Variants in PRKACB observed in about 807,000 individuals in gnomAD.
PRKACB encodes the protein protein kinase cAMP-activated catalytic subunit beta.
A neutral mutation model predicts 51.4 loss-of-function variants in PRKACB; 16 were observed. The observed-to-expected ratio is 0.31, with a 90% confidence interval of 0.21 to 0.47. The LOEUF is 0.47. Ranked by LOEUF, PRKACB falls within the 20% of genes least tolerant of loss-of-function variation. PRKACB has a pLI of 1.00. For missense variants in PRKACB, 309 were observed against 464.5 expected, an observed-to-expected ratio of 0.67 and a Z score of 3.08; for synonymous variants, 147 against 154.4, an observed-to-expected ratio of 0.95 and a Z score of 0.35.
intron 5 of PRKACB, among the ~76,000 whole-genome samples, chr1:84,191,502 A>G (rs1666779782): frequency 6.6e-6 from 1 of 152,156 alleles, no homozygotes; most frequent in Non-Finnish European, 1.5e-5. Flanking sequence ...GCATCCATAA[A>G]AAGAATGAAA....
At chr1:84,183,145 C>T (rs1193128725) in intron 3 of PRKACB, among the ~76,000 whole-genome samples, 1 of 151,916 alleles carries the variant, frequency 6.6e-6, no homozygotes. Context: ...TGTGACTATC[C>T]TCACATTGAC....
At position 84,144,460 on chromosome 1, in the gene PRKACB, C is replaced by T. The variant is rs758013036; in HGVS notation, c.99C>T (p.His33=). Residue 33 remains histidine, a synonymous_variant, in exon 1 of 10, where the codon CAC becomes CAT. Transcript: ENST00000370685. ...EGFASRLFHR[H]SKGTAHDQKT... is the part of the protein sequence containing the mutation. ...TTGCTAGCCGGTTATTTCATAGACA[C>T]TCTAAAGGTACTGCACATGATCAGA... is the stretch of plus-strand genomic sequence containing the variant. 21 of 1,612,832 alleles carry T rather than the reference C, an allele frequency of 1.3e-5. No individual in the cohort carries two copies. The African/African-American group carries it at 2.7e-4, about 21-fold the overall frequency.
intron 1 of PRKACB, among the ~76,000 whole-genome samples, chr1:84,124,227 A>G (rs984830468): frequency 5.3e-5 from 8 of 152,252 alleles, no homozygotes; most frequent in African/African-American, 1.9e-4. Flanking sequence ...TCAGTACAGT[A>G]ACGTGGGTGT....
intron 9 of PRKACB, among the ~76,000 whole-genome samples, chr1:84,218,357 G>A (rs957032284): frequency 6.6e-6 from 1 of 151,954 alleles, no homozygotes; most frequent in Non-Finnish European, 1.5e-5. Context: ...CATTCTATAC[G>A]TTACCTCTAA....
At chr1:84,222,296 G>T (rs760339167) in intron 9 of PRKACB, among the ~76,000 whole-genome samples, 1 of 151,856 alleles carries the variant, frequency 6.6e-6, no homozygotes, top group Non-Finnish European at 1.5e-5. Context: ...TTCACTTTCA[G>T]TCTATCTGTG....
At chr1:84,187,257 TTTC>T (rs763748093) in intron 5 of PRKACB, among the ~76,000 whole-genome samples, 6 of 152,174 alleles carry the variant, frequency 3.9e-5, no homozygotes, top group Non-Finnish European at 8.8e-5. Context: ...ACTGAAAGAA[TTTC>T]TTAAGTCAGG....
At chr1:84,134,915 T>G (rs1262282926) in intron 1 of PRKACB, among the ~76,000 whole-genome samples, 1 of 152,192 alleles carries the variant, frequency 6.6e-6, no homozygotes, top group Non-Finnish European at 1.5e-5. Context: ...TATTGTTACT[T>G]TAAACAGTTT....
upstream of PRKACB, among the ~76,000 whole-genome samples, chr1:84,141,944 GT>G (rs1182152364): frequency 6.6e-6 from 1 of 151,986 alleles, no homozygotes; most frequent in Non-Finnish European, 1.5e-5. Context: ...ATAAAATTTA[GT>G]AACAAATAGA....
chr1:84,109,806 C>A (rs1447539440), intron 1 of PRKACB, among the ~76,000 whole-genome samples: 1 of 151,774 alleles, frequency 6.6e-6, no homozygotes, highest in Admixed American at 6.6e-5. Context: ...TAATAAATCA[C>A]CTAGTCTCAT....
At chr1:84,173,189 C>A in intron 1 of PRKACB, 1 of 511,696 alleles carries the variant, frequency 2.0e-6, no homozygotes, top group Non-Finnish European at 3.3e-6. Context: ...TTATATAATA[C>A]ATTTTTGGTA....
At chr1:84,188,352 A>C (rs1354465429) in intron 5 of PRKACB, among the ~76,000 whole-genome samples, 1 of 151,668 alleles carries the variant, frequency 6.6e-6, no homozygotes, top group East Asian at 1.9e-4. Context: ...GGAAATTTTT[A>C]TTTAGTCTAT....
Position 84,196,705 on chromosome 1 carries a change from C to A in PRKACB, c.650C>A (p.Pro217His). ...GACCTCATCTACAGAGATCTAAAACCTGAAAATCTCTTAATTGACCATCAA... is the reference window on the plus strand; with the variant it reads ...GACCTCATCTACAGAGATCTAAAACATGAAAATCTCTTAATTGACCATCAA... ...SLDLIYRDLK[P>H]ENLLIDHQGY... is the part of the protein sequence containing the mutation. Residue 217 changes from proline (P) to histidine (H), a missense_variant, in exon 6 of 10, where the codon CCT becomes CAT. Physicochemically the swap from Pro to His is moderately conservative, Grantham distance 77. Around this residue, in one of 3 missense-constraint regions of PRKACB, gnomAD observed 60 missense variants for 144.4 expected, o/e 0.42. Transcript: ENST00000370685. 6.2e-7 allele frequency: 1 copy of A among 1,612,800 alleles called. No homozygotes were observed. The highest frequency in any genetic ancestry group is 8.5e-7 in the Non-Finnish European group (1 of 1,179,014).
At chr1:84,170,190 A>G (rs926132513) in intron 1 of PRKACB, among the ~76,000 whole-genome samples, 1 of 151,690 alleles carries the variant, frequency 6.6e-6, no homozygotes, top group Admixed American at 6.6e-5. Context: ...GCTTTCGTTT[A>G]AAATGGCCTA....
At chr1:84,151,188 C>T (rs1558029753) in intron 1 of PRKACB, among the ~76,000 whole-genome samples, 1 of 152,152 alleles carries the variant, frequency 6.6e-6, no homozygotes, top group Non-Finnish European at 1.5e-5. Flanking sequence ...GCAAGTCACA[C>T]ATTTTTTGGT....
chr1:84,201,709 A>G lies in PRKACB; in HGVS notation c.784-974A>G, dbSNP rs555867305. 3.3e-5 allele frequency among the ~76,000 whole-genome samples: 5 copies of G among 152,198 alleles called. No homozygotes were observed. The East Asian group carries it at 9.6e-4, about 29-fold the overall frequency. ...AAAGGGTGGAATGTGGTGAGTCGTG[A>G]TGGTAGAGGGTACCTCTGAGGGCAG... On this transcript the variant is annotated intron_variant, in intron 7 of 9. Transcript: ENST00000370685.
intron 9 of PRKACB, among the ~76,000 whole-genome samples, chr1:84,226,681 T>C (rs979704287): frequency 2.3e-4 from 35 of 152,184 alleles, no homozygotes; most frequent in Non-Finnish European, 5.0e-4. Flanking sequence ...CTGTTCCTTT[T>C]CAGTATTTAC....
At chr1:84,085,355 A>G (rs1647882754) in intron 1 of PRKACB, among the ~76,000 whole-genome samples, 1 of 152,154 alleles carries the variant, frequency 6.6e-6, no homozygotes, top group Non-Finnish European at 1.5e-5. Context: ...AAAAATCTAA[A>G]TTGTCTTTTT....
Position 84,235,224 on chromosome 1 carries a change from C to A in PRKACB, c.1116C>A (p.Thr372=), listed in dbSNP as rs190425316. The change falls in exon 10 of 10, where the codon ACC becomes ACA. Residue 372 remains threonine (T), a synonymous_variant. Coordinates refer to ENST00000370685, the MANE Select transcript of PRKACB (RefSeq NM_182948.4). The stretch of plus-strand genomic sequence containing the variant: ...CAAAGTTTAGAGGCTCTGGAGATAC[C>A]AGCAACTTTGATGACTATGAAGAAG... The part of the protein sequence containing the change: ...FIPKFRGSGD[T]SNFDDYEEED... The A allele has an allele frequency of 3.1e-6, 5 of 1,613,746 alleles. No homozygotes were observed. The highest frequency in any genetic ancestry group is 4.2e-6 in the Non-Finnish European group (5 of 1,179,752).
At chr1:84,181,800 C>A in intron 2 of PRKACB, 1 of 1,096,178 alleles carries the variant, frequency 9.1e-7, no homozygotes, top group Non-Finnish European at 1.3e-6. Context: ...TGCATTAAGT[C>A]TGTATGGCTT....
Sources: gnomAD v4.1 joint callset for allele counts (sites outside exome capture counted in the v4.1 genomes callset) on GRCh38, gnomAD v4.1.1 for gene constraint, gnomAD v4.1.1 regional missense constraint, MANE v1.5 for transcripts, NCBI Gene and HGNC (gene_info 2026-07-23, HGNC 2026-07-21) for gene names.